The following CDYL2 variants were observed in gnomAD, a reference collection of about 807,000 sequenced individuals.
CDYL2 encodes chromodomain Y like 2.
A neutral mutation model predicts 49.4 loss-of-function variants in CDYL2; 23 were observed. That is an observed-to-expected ratio of 0.47 (90% confidence interval 0.34 to 0.66). The LOEUF (loss-of-function observed/expected upper bound fraction) is 0.66. Ranked by LOEUF, CDYL2 falls within the 30% of genes least tolerant of loss-of-function variation. CDYL2 has a pLI of 0.01. For missense variants in CDYL2, 678 were observed against 656.4 expected, an observed-to-expected ratio of 1.03 and a Z score of -0.36; for synonymous variants, 360 against 268.8, an observed-to-expected ratio of 1.34 and a Z score of -3.32.
intron 6 of CDYL2, among the ~76,000 whole-genome samples, chr16:80,604,771 C>A (rs1357410029): frequency 6.6e-6 from 1 of 152,176 alleles, no homozygotes; most frequent in Non-Finnish European, 1.5e-5. Flanking sequence ...CTCAGTGGGG[C>A]CCATGTCACC....
intron 1 of CDYL2, among the ~76,000 whole-genome samples, chr16:80,757,404 G>T (rs373072348): frequency 6.6e-6 from 1 of 151,914 alleles, no homozygotes; most frequent in African/African-American, 2.4e-5. Context: ...GTTGTGTGTA[G>T]CGGTGAATGC....
intron 1 of CDYL2, among the ~76,000 whole-genome samples, chr16:80,751,741 C>G (rs1423068078): frequency 6.6e-6 from 1 of 152,180 alleles, no homozygotes; most frequent in African/African-American, 2.4e-5. Context: ...TTTTGGAACT[C>G]AGGACCTGCC....
chr16:80,733,681 C>T (rs1025615688), intron 1 of CDYL2, among the ~76,000 whole-genome samples: 2 of 152,186 alleles, frequency 1.3e-5, no homozygotes, highest in African/African-American at 2.4e-5. Context: ...ACAAAGGAAG[C>T]TGCCCATAGG....
rs147605884 is a variant in CDYL2, at chr16:80,620,921, G to C, written c.849C>G (p.Val283=). The change falls in exon 4 of 7, where the codon GTC becomes GTG. Residue 283 remains valine, a synonymous_variant. Transcript: ENST00000570137. The stretch of plus-strand genomic sequence containing the variant: ...TGGCTGCGTTGCAGAGCGCTCGCCG[G>C]ACTTCTTTCATGATCTGCCGGCAGA... ...NALTPEIMKE[V]RRALCNAATD... is the part of the protein sequence containing the mutation. 10 of 1,599,366 alleles carry C rather than the reference G, an allele frequency of 6.3e-6. No homozygotes were observed. The African/African-American group carries it at 1.3e-4, about 21-fold the overall frequency.
chr16:80,710,342 A>C (rs1030174619), intron 1 of CDYL2, among the ~76,000 whole-genome samples: 1 of 152,248 alleles, frequency 6.6e-6, no homozygotes, highest in Non-Finnish European at 1.5e-5. Flanking sequence ...AAATTGGTAC[A>C]ACCCTTCCAG....
intron 1 of CDYL2, among the ~76,000 whole-genome samples, chr16:80,792,406 G>C (rs1212568709): frequency 2.0e-5 from 3 of 152,174 alleles, no homozygotes; most frequent in Non-Finnish European, 4.4e-5. Context: ...CGACCCAAAA[G>C]AAGTCACAGC....
intron 1 of CDYL2, among the ~76,000 whole-genome samples, chr16:80,690,172 T>C (rs1910358585): frequency 1.3e-5 from 2 of 151,732 alleles, no homozygotes; most frequent in African/African-American, 4.8e-5. Context: ...GGACTCGTAC[T>C]CTGATGGCAA....
chr16:80,711,706 T>C (rs1309087941), intron 1 of CDYL2, among the ~76,000 whole-genome samples: 5 of 152,130 alleles, frequency 3.3e-5, no homozygotes, highest in Admixed American at 2.6e-4. Context: ...TATTAAATGT[T>C]TGAAAAGGCA....
chr16:80,620,981 T>C (rs1290308297), intron 3 of CDYL2, 46 bp from the exon 4 acceptor site: 2 of 1,504,550 alleles, frequency 1.3e-6, no homozygotes, highest in African/African-American at 1.4e-5. Flanking sequence ...GTCTATCCTG[T>C]AAGCCTGGGG....
intron 1 of CDYL2, among the ~76,000 whole-genome samples, chr16:80,714,926 G>C (rs540305306): frequency 1.3e-5 from 2 of 152,062 alleles, no homozygotes; most frequent in Non-Finnish European, 2.9e-5. Flanking sequence ...GTTTCCATCT[G>C]TCCCCCCAAG....
chr16:80,611,374 A>C (rs570895451), intron 5 of CDYL2, among the ~76,000 whole-genome samples: 30 of 152,180 alleles, frequency 2.0e-4, no homozygotes, highest in Non-Finnish European at 3.8e-4. Context: ...ACCCGTGCTT[A>C]TGAAATAAGG....
At chr16:80,698,994 CA>C (rs1466265681) in intron 1 of CDYL2, among the ~76,000 whole-genome samples, 3 of 151,432 alleles carry the variant, frequency 2.0e-5, no homozygotes. Context: ...TGGCTATTAT[CA>C]AAAAAACAAA....
chr16:80,649,223 T>C (rs931038407), intron 2 of CDYL2, among the ~76,000 whole-genome samples: 1 of 152,166 alleles, frequency 6.6e-6, no homozygotes, highest in Non-Finnish European at 1.5e-5. Flanking sequence ...GATGATATGA[T>C]GTTATATTGG....
chr16:80,770,885 T>G (rs113555593), intron 1 of CDYL2, among the ~76,000 whole-genome samples: 1 of 152,140 alleles, frequency 6.6e-6, no homozygotes, highest in Non-Finnish European at 1.5e-5. Context: ...AGCCAAGATC[T>G]GGGAGAAAAC....
rs765102569 is a variant in CDYL2, at chr16:80,599,954, C to A, written c.*4434G>T. On this transcript the variant is annotated 3_prime_UTR_variant, in exon 7 of 7. Coordinates refer to ENST00000570137, the MANE Select transcript of CDYL2 (RefSeq NM_152342.4). ...TTAGCCATGAATTACAGACTGCATTCAGTCCATCAGCATGGCTTACGTTGC... is the reference window on the plus strand; with the variant it reads ...TTAGCCATGAATTACAGACTGCATTAAGTCCATCAGCATGGCTTACGTTGC... 8 of 152,220 alleles carry A rather than the reference C, an allele frequency of 5.3e-5. No homozygotes were observed. The highest frequency in any genetic ancestry group is 1.0e-4 in the Non-Finnish European group (7 of 68,028). 9.4% of individuals were successfully genotyped at this position (152,220 alleles called of 1,614,324 possible).
At chr16:80,664,572 G>C (rs1290867500) in intron 2 of CDYL2, among the ~76,000 whole-genome samples, 1 of 152,208 alleles carries the variant, frequency 6.6e-6, no homozygotes, top group African/African-American at 2.4e-5. Context: ...TGAGGGGAAA[G>C]CAAATGCCTC....
Position 80,665,550 on chromosome 16 carries a change from G to A in CDYL2, c.616+18988C>T, listed in dbSNP as rs145613655. On this transcript the variant is annotated intron_variant, in intron 2 of 6. Coordinates refer to ENST00000570137, the MANE Select transcript of CDYL2 (RefSeq NM_152342.4). ...AATAGCAAAAACCGCAATTACTTTT[G>A]CACCAACCTAATAATATGAGGAGTT... Among the ~76,000 whole-genome samples, 611 of 148,178 alleles carry A rather than the reference G, an allele frequency of 4.1e-3. 4 individuals carry two copies. The highest frequency in any genetic ancestry group is 0.015 in the African/African-American group (584 of 39,878).
chr16:80,699,479 A>G (rs1378610590), intron 1 of CDYL2, among the ~76,000 whole-genome samples: 1 of 152,198 alleles, frequency 6.6e-6, no homozygotes, highest in Non-Finnish European at 1.5e-5. Context: ...TCATAGAAGT[A>G]GAGAGTAGAA....
At chr16:80,635,307 T>C (rs1329670881) in intron 2 of CDYL2, among the ~76,000 whole-genome samples, 6 of 152,278 alleles carry the variant, frequency 3.9e-5, no homozygotes, top group Non-Finnish European at 4.4e-5. Context: ...TGACTGTATA[T>C]TTAGAAAACC....
Sources: gnomAD v4.1 joint callset for allele counts (sites outside exome capture counted in the v4.1 genomes callset) on GRCh38, gnomAD v4.1.1 for gene constraint, MANE v1.5 for transcripts, NCBI Gene and HGNC (gene_info 2026-07-23, HGNC 2026-07-21) for gene names.